The following SHB variants were observed in gnomAD, a reference collection of about 807,000 sequenced individuals.
The protein encoded by SHB is SH2 domain-containing adapter protein B.
Under a neutral mutation model 52.3 loss-of-function variants are expected in SHB, and 20 were observed. The ratio of observed to expected loss-of-function variants is 0.38; its 90% CI spans 0.27 to 0.56. SHB has a LOEUF of 0.56. Among genes scored for constraint, SHB ranks in the 20% least tolerant of loss-of-function variants. The pLI, the probability that SHB is intolerant of heterozygous loss-of-function variation, is 0.71. For missense variants in SHB, 825 were observed against 723.3 expected (o/e 1.14, Z -1.61); for synonymous variants, 397 against 316.5 (o/e 1.25, Z -2.70).
intron 2 of SHB, among the ~76,000 whole-genome samples, chr9:37,998,710 C>A (rs1401134401): frequency 6.6e-6 from 1 of 152,242 alleles, no homozygotes; most frequent in East Asian, 1.9e-4. Context: ...TCCTCGGCCT[C>A]CCAAAGTGCT....
At chr9:37,947,629 G>A (rs898827023) in intron 5 of SHB, among the ~76,000 whole-genome samples, 1 of 152,228 alleles carries the variant, frequency 6.6e-6, no homozygotes, top group Non-Finnish European at 1.5e-5. Flanking sequence ...CCCAGAAGTT[G>A]TGGGGGGAGG....
intron 2 of SHB, among the ~76,000 whole-genome samples, chr9:37,996,232 G>A (rs1308657556): frequency 3.3e-5 from 5 of 152,316 alleles, no homozygotes; most frequent in South Asian, 2.1e-4. Context: ...TGCATGAAGC[G>A]ACTCCACTTT....
In SHB at chr9:38,010,140, T is replaced by A. The variant is rs539192591; in HGVS notation, c.838+5871A>T. Reference sequence around the variant, plus strand: ...CTCCAGAAGGTGCATCTTGGTTCTGTTTCTGCTGCTTATTTAATCTGAGGC... The same window carrying A: ...CTCCAGAAGGTGCATCTTGGTTCTGATTCTGCTGCTTATTTAATCTGAGGC... On this transcript the variant is annotated intron_variant, in intron 2 of 5. Transcript: ENST00000377707. Among the ~76,000 whole-genome samples the A allele has an allele frequency of 3.9e-5, 6 of 152,324 alleles. No homozygotes were observed. The South Asian group carries it at 1.2e-3, about 32-fold the overall frequency.
At chr9:38,060,306 C>G (rs1229180663) in intron 1 of SHB, among the ~76,000 whole-genome samples, 1 of 152,152 alleles carries the variant, frequency 6.6e-6, no homozygotes, top group African/African-American at 2.4e-5. Context: ...TCCCAAGTAG[C>G]TGGGATTACA....
At chr9:37,994,249 C>A (rs771077938) in intron 2 of SHB, among the ~76,000 whole-genome samples, 2 of 152,210 alleles carry the variant, frequency 1.3e-5, no homozygotes, top group East Asian at 3.8e-4. Context: ...AATCCTCCAA[C>A]TTCTCTCTGC....
At chr9:38,031,541 T>A (rs559616095) in intron 1 of SHB, among the ~76,000 whole-genome samples, 140 of 152,262 alleles carry the variant, frequency 9.2e-4, no homozygotes, top group African/African-American at 3.2e-3. Context: ...GTCCTTTTAG[T>A]ATTACTTTAG....
rs569866279 is a variant in SHB at position 38,024,506 on chromosome 9, C to A, written c.718-8375G>T. On this transcript the variant is annotated intron_variant, in intron 1 of 5. Coordinates refer to ENST00000377707, the MANE Select transcript of SHB (RefSeq NM_003028.3). ...TTCCAAATTCCAGCCTCTGTCAGCT[C>A]CTCTCAAGCCTGCTTGCTCAGCCTC... Among the ~76,000 whole-genome samples, 14 of 152,314 alleles carry A rather than the reference C, an allele frequency of 9.2e-5. No individual in the cohort carries two copies. The South Asian group carries it at 2.9e-3, about 32-fold the overall frequency.
chr9:38,020,410 C>A (rs1821267088), intron 1 of SHB, among the ~76,000 whole-genome samples: 1 of 152,202 alleles, frequency 6.6e-6, no homozygotes, highest in African/African-American at 2.4e-5. Flanking sequence ...GAGCCAGCAC[C>A]CTTCCCCACC....
chr9:38,036,594 G>C (rs1218007092), intron 1 of SHB, among the ~76,000 whole-genome samples: 1 of 152,174 alleles, frequency 6.6e-6, no homozygotes, highest in Non-Finnish European at 1.5e-5. Flanking sequence ...AATGAGCTCC[G>C]AAAGACAGGG....
intron 3 of SHB, among the ~76,000 whole-genome samples, chr9:37,962,595 C>T (rs7047276): frequency 0.58 from 87,457 of 151,108 alleles, 25,524 homozygotes; most frequent in East Asian, 0.82. Context: ...TCACCTTGAA[C>T]TCCTGGGCTC....
intron 2 of SHB, among the ~76,000 whole-genome samples, chr9:37,984,631 C>T (rs958521933): frequency 6.6e-6 from 1 of 152,102 alleles, no homozygotes; most frequent in African/African-American, 2.4e-5. Flanking sequence ...GCCAGGGCGT[C>T]TATTGCAGTC....
chr9:37,978,348 G>A (rs1564093025), intron 2 of SHB, among the ~76,000 whole-genome samples: 1 of 152,058 alleles, frequency 6.6e-6, no homozygotes, highest in African/African-American at 2.4e-5. Flanking sequence ...ATGTTATAAC[G>A]GTAATCATTA....
At chr9:37,924,430 CTTCTT>C (rs1313540798) in intron 5 of SHB, among the ~76,000 whole-genome samples, 5 of 152,188 alleles carry the variant, frequency 3.3e-5, no homozygotes, top group African/African-American at 1.2e-4. Context: ...TGTTAAATCG[CTTCTT>C]TTCATGATGA....
chr9:38,032,828 C>G, intron 1 of SHB, among the ~76,000 whole-genome samples: 1 of 152,294 alleles, frequency 6.6e-6, no homozygotes, highest in Middle Eastern at 3.4e-3. Context: ...GGAGAGGCCC[C>G]GGACCCCAAC....
At position 37,918,148 on chromosome 9, in the gene SHB, C is replaced by G. The variant is rs1373865600; in HGVS notation, c.*1673G>C. 1.3e-5 allele frequency among the ~76,000 whole-genome samples: 2 copies of G among 152,220 alleles called. No individual in the cohort carries two copies. Among genetic ancestry groups the G allele is most frequent in the Non-Finnish European group, 2.9e-5 (2 of 68,034 alleles). ...GCCCCTTGTGCTCTGCCCAGGTGGGCCAGGGATGACAGTCGTCAAACTTCT... is the reference window on the plus strand; with the variant it reads ...GCCCCTTGTGCTCTGCCCAGGTGGGGCAGGGATGACAGTCGTCAAACTTCT... On this transcript the variant is annotated 3_prime_UTR_variant, in exon 6 of 6. Coordinates refer to ENST00000377707, the MANE Select transcript of SHB (RefSeq NM_003028.3).
intron 4 of SHB, among the ~76,000 whole-genome samples, chr9:37,950,811 C>T (rs1832557802): frequency 6.6e-6 from 1 of 152,248 alleles, no homozygotes; most frequent in East Asian, 1.9e-4. Context: ...CCGACGGCAG[C>T]TGCAGCGTTA....
chr9:38,046,672 A>G (rs1476672956), intron 1 of SHB, among the ~76,000 whole-genome samples: 1 of 152,242 alleles, frequency 6.6e-6, no homozygotes, highest in Non-Finnish European at 1.5e-5. Context: ...GCAGGACGCA[A>G]GCCTCTAACA....
chr9:37,958,055 T>C (rs1490858157), intron 3 of SHB, among the ~76,000 whole-genome samples: 1 of 152,176 alleles, frequency 6.6e-6, no homozygotes, highest in African/African-American at 2.4e-5. Context: ...GACTGGGCGC[T>C]TCCTTACAGG....
At chr9:38,061,183 G>A (rs1481629049) in intron 1 of SHB, among the ~76,000 whole-genome samples, 2 of 152,134 alleles carry the variant, frequency 1.3e-5, no homozygotes, top group East Asian at 3.9e-4. Flanking sequence ...GTGCTGGCGT[G>A]TGACTATAGT....
Sources: gnomAD v4.1 joint callset for allele counts (sites outside exome capture counted in the v4.1 genomes callset) on GRCh38, gnomAD v4.1.1 for gene constraint, MANE v1.5 for transcripts, NCBI Gene and HGNC (gene_info 2026-07-23, HGNC 2026-07-21) for gene names.